GPI: variants seen among roughly 807,000 people sequenced by gnomAD.
The protein encoded by GPI is D-hexose-6-phosphate anomerase.
A neutral mutation model predicts 75.8 loss-of-function variants in GPI; 56 were observed. The ratio of observed to expected loss-of-function variants is 0.74; its 90% CI spans 0.60 to 0.92. GPI has a LOEUF of 0.92. GPI is among the 40% of genes least tolerant of loss of function. The pLI, the probability that GPI is intolerant of heterozygous loss-of-function variation, is 0.00. For synonymous variants in GPI, 288 were observed against 285.4 expected (o/e 1.01, Z -0.09); for missense variants, 638 against 741.0 (o/e 0.86, Z 1.61).
At chr19:34,372,200 G>A (rs2074464647) in intron 4 of GPI, among the ~76,000 whole-genome samples, 3 of 152,088 alleles carry the variant, frequency 2.0e-5, no homozygotes, top group Admixed American at 2.0e-4. Context: ...CAGAGTCCTG[G>A]GATTACAGGC....
chr19:34,384,079 G>A (rs1379017506), intron 9 of GPI, among the ~76,000 whole-genome samples: 1 of 152,200 alleles, frequency 6.6e-6, no homozygotes, highest in Non-Finnish European at 1.5e-5. Context: ...TGGTAAGGAC[G>A]TTGGAGCTAA....
At chr19:34,396,546 T>C (rs755869341) in intron 13 of GPI, 35 bp from the exon 14 acceptor site, 1 of 1,612,546 alleles carries the variant, frequency 6.2e-7, no homozygotes, top group Non-Finnish European at 8.5e-7. Flanking sequence ...TCCCATGGGC[T>C]GGGGTCATGT....
rs1009293589 is a variant in GPI at position 34,399,598 on chromosome 19, A to G, written c.1441A>G (p.Lys481Glu). 6.2e-7 allele frequency: 1 copy of G among 1,614,176 alleles called. No individual in the cohort carries two copies. The highest frequency in any genetic ancestry group is 1.3e-5 in the African/African-American group (1 of 75,058). The stretch of plus-strand genomic sequence containing the variant: ...CCCAACCAACTCTATTGTGTTCACC[A>G]AGCTCACACCATTCATGCTTGGAGC... The part of the protein sequence containing the change: ...NRPTNSIVFT[K>E]LTPFMLGALV... The change falls in exon 16 of 18, where the codon AAG becomes GAG. Residue 481 changes from lysine (K) to glutamate (E), a missense_variant. Physicochemically the swap from Lys to Glu is moderately conservative, Grantham distance 56 (BLOSUM62 1). Transcript: ENST00000356487.
At position 34,365,283 on chromosome 19, in the gene GPI, G is replaced by A. The variant is rs1256938558; in HGVS notation, c.17G>A (p.Arg6Gln). The A allele has an allele frequency of 9.5e-6, 15 of 1,577,806 alleles. No homozygotes were observed. Among genetic ancestry groups the A allele is most frequent in the Admixed American group, 3.5e-5 (2 of 56,954 alleles). ...AGTCCCGCCATGGCCGCTCTCACCC[G>A]GGACCCCCAGTTCCAGAAGCTGCAG... The part of the protein sequence containing the change: MAALT[R>Q]DPQFQKLQQW... The change falls in exon 1 of 18, where the codon CGG becomes CAG. Residue 6 changes from arginine (R) to glutamine (Q), a missense_variant. Arg to Gln is a conservative substitution (Grantham distance 43, BLOSUM62 1). Transcript: ENST00000356487.
chr19:34,386,842 A>T (rs1333938176), intron 9 of GPI, among the ~76,000 whole-genome samples: 1 of 152,014 alleles, frequency 6.6e-6, no homozygotes, highest in East Asian at 1.9e-4. Flanking sequence ...GCCTGGGGAC[A>T]GTGGGTTAGT....
intron 14 of GPI, chr19:34,398,541 C>CT (rs1470380481): frequency 6.6e-6 from 1 of 152,232 alleles, no homozygotes; most frequent in Non-Finnish European, 1.5e-5. Context: ...GTAGTGTGAC[C>CT]TTGACTCACT....
chr19:34,399,401 G>C (rs2074989765), intron 15 of GPI, 66 bp downstream of exon 15: 1 of 1,608,702 alleles, frequency 6.2e-7, no homozygotes, highest in South Asian at 1.1e-5. Context: ...TATGGCACCA[G>C]GCAGGGGCTT....
intron 3 of GPI, among the ~76,000 whole-genome samples, chr19:34,368,310 C>T (rs1316684373): frequency 2.6e-5 from 4 of 152,214 alleles, no homozygotes; most frequent in African/African-American, 9.6e-5. Flanking sequence ...CTGTTCATGC[C>T]CTGAGCATCT....
intron 4 of GPI, among the ~76,000 whole-genome samples, chr19:34,369,784 G>T (rs1435315159): frequency 6.6e-6 from 1 of 152,034 alleles, no homozygotes; most frequent in Non-Finnish European, 1.5e-5. Context: ...CTGTAGCCAG[G>T]CGCAGCAGCT....
intron 8 of GPI, chr19:34,380,895 G>C (rs749729231): frequency 5.9e-5 from 12 of 202,844 alleles, no homozygotes; most frequent in Non-Finnish European, 2.0e-5. Context: ...CAACTGACTG[G>C]TCAGTAGGGC....
At chr19:34,386,284 C>T (rs1036803556) in intron 9 of GPI, among the ~76,000 whole-genome samples, 1 of 150,694 alleles carries the variant, frequency 6.6e-6, no homozygotes, top group African/African-American at 2.5e-5. Context: ...GGTTCAAGCA[C>T]AGGTAGGTAG....
At chr19:34,364,695 AT>A (rs2074327746), upstream of GPI, 1 of 382,224 alleles carries the variant, frequency 2.6e-6, no homozygotes, top group Non-Finnish European at 4.7e-6. Flanking sequence ...TTTTTTCTTA[AT>A]TGCAACCCCG....
chr19:34,386,976 A>G (rs183121730), intron 9 of GPI, among the ~76,000 whole-genome samples: 73 of 152,314 alleles, frequency 4.8e-4, no homozygotes, highest in Non-Finnish European at 8.2e-4. Context: ...GATTGGCAGC[A>G]TTGGATCTGT....
chr19:34,366,979 A>C (rs1254729372), intron 3 of GPI, 128 bp downstream of exon 3: 1 of 783,266 alleles, frequency 1.3e-6, no homozygotes, highest in East Asian at 2.6e-5. Flanking sequence ...GAGGGGCCTG[A>C]AGGCCTTTTT....
intron 13 of GPI, 25 bp downstream of exon 13, chr19:34,396,455 G>C (rs778317864): frequency 2.5e-6 from 4 of 1,613,796 alleles, no homozygotes; most frequent in Non-Finnish European, 3.4e-6. Flanking sequence ...CCTGGGAAGG[G>C]TGATGTTGGG....
At chr19:34,371,181 C>G (rs10402237) in intron 4 of GPI, among the ~76,000 whole-genome samples, 1 of 152,178 alleles carries the variant, frequency 6.6e-6, no homozygotes, top group Non-Finnish European at 1.5e-5. Context: ...ACTGGAGTAC[C>G]TGACTCAGGC....
At chr19:34,383,977 G>A (rs1336092638) in intron 9 of GPI, among the ~76,000 whole-genome samples, 4 of 152,186 alleles carry the variant, frequency 2.6e-5, no homozygotes, top group Non-Finnish European at 4.4e-5. Flanking sequence ...TGAGGTCCTA[G>A]GAGCTGGAAT....
Position 34,400,041 on chromosome 19 carries a change from G to A in GPI, c.*5G>A, listed in dbSNP as rs770939367. On this transcript the variant is annotated 3_prime_UTR_variant, in exon 18 of 18. Coordinates refer to ENST00000356487, the MANE Select transcript of GPI (RefSeq NM_000175.5). ...CGCGAGGCCAGAGTCCAATAAACTC[G>A]TGCTCATCTGCAGCCTCCTCTGTGA... The A allele has an allele frequency of 7.5e-6, 12 of 1,609,724 alleles. No individual in the cohort carries two copies. The highest frequency in any genetic ancestry group is 4.0e-5 in the African/African-American group (3 of 74,862).
At chr19:34,375,143 A>C (rs1027473121) in intron 4 of GPI, among the ~76,000 whole-genome samples, 106 of 104,412 alleles carry the variant, frequency 1.0e-3, no homozygotes, top group Non-Finnish European at 1.6e-3. Flanking sequence ...ACAGCAATAC[A>C]CTTTTTTTTT....
Sources: allele counts gnomAD v4.1 joint callset (sites outside exome capture counted in the v4.1 genomes callset), GRCh38; gene constraint gnomAD v4.1.1; transcripts MANE v1.5; gene names NCBI Gene and HGNC (gene_info 2026-07-23, HGNC 2026-07-21).